The following TACC2 variants were observed in gnomAD, a reference collection of about 807,000 sequenced individuals.
TACC2 encodes the protein transforming acidic coiled-coil-containing protein 2.
TACC2 carries 137 observed loss-of-function variants against 227.3 expected under a neutral mutation model. The observed-to-expected ratio is 0.60, with a 90% CI of 0.52 to 0.69. The LOEUF (loss-of-function observed/expected upper bound fraction) is 0.69, where lower values mean the gene tolerates loss of function less well. TACC2 is among the 30% of genes least tolerant of loss of function. The pLI is 0.00. For missense variants in TACC2, 3,470 were observed against 3,694.4 expected (o/e 0.94, Z 1.57); for synonymous variants, 1,523 against 1,487.5 (o/e 1.02, Z -0.55).
rs1222743735 is a variant in TACC2 at position 122,203,392 on chromosome 10, C to T, written c.5972-7005C>T. 4.0e-5 allele frequency among the ~76,000 whole-genome samples: 6 copies of T among 148,902 alleles called. No homozygotes were observed. In the South Asian group the frequency reaches 6.3e-4, roughly 16 times the overall value. The stretch of plus-strand genomic sequence containing the variant: ...CTGACCCCCCCACCTCCCTCCCGGA[C>T]GGGGCGGCTGGCTGGGCGGGCGGCT... On this transcript the variant is annotated intron_variant, in intron 8 of 22. Coordinates refer to ENST00000369005, the MANE Select transcript of TACC2 (RefSeq NM_206862.4).
At chr10:122,208,784 G>C (rs886209595) in intron 8 of TACC2, among the ~76,000 whole-genome samples, 1 of 152,222 alleles carries the variant, frequency 6.6e-6, no homozygotes, top group Non-Finnish European at 1.5e-5. Context: ...TGGAAACGCT[G>C]TCCCAGGTCT....
intron 6 of TACC2, among the ~76,000 whole-genome samples, chr10:122,143,276 A>G (rs2090901932): frequency 6.6e-6 from 1 of 152,188 alleles, no homozygotes; most frequent in African/African-American, 2.4e-5. Flanking sequence ...CAAACGAGAA[A>G]ACTCACATAG....
chr10:122,112,192 G>A (rs2083733037), intron 5 of TACC2, among the ~76,000 whole-genome samples: 1 of 152,146 alleles, frequency 6.6e-6, no homozygotes, highest in African/African-American at 2.4e-5. Flanking sequence ...TCTATATATA[G>A]TCACGGGCTC....
At chr10:122,170,311 C>G (rs1194888768) in intron 7 of TACC2, among the ~76,000 whole-genome samples, 2 of 148,304 alleles carry the variant, frequency 1.3e-5, no homozygotes, top group East Asian at 4.0e-4. Context: ...ACTCTGCCCC[C>G]CAGGCTGGAG....
chr10:122,077,552 G>A (rs2078955846), intron 3 of TACC2, among the ~76,000 whole-genome samples: 1 of 152,168 alleles, frequency 6.6e-6, no homozygotes, highest in Admixed American at 6.5e-5. Context: ...TGCGGAATGA[G>A]GCAGGAGAGG....
intron 2 of TACC2, among the ~76,000 whole-genome samples, chr10:122,036,482 C>T (rs183464578): frequency 1.4e-3 from 206 of 148,254 alleles, no homozygotes; most frequent in African/African-American, 4.9e-3. Context: ...CATGCGCCAC[C>T]GTGCCTGGCA....
intron 5 of TACC2, among the ~76,000 whole-genome samples, chr10:122,108,527 C>T (rs2083200121): frequency 7.0e-6 from 1 of 143,144 alleles, no homozygotes; most frequent in African/African-American, 2.6e-5. Flanking sequence ...CTCACTGCAA[C>T]CTCTGCCTCC....
chr10:122,055,114 GGAGGCT>G (rs2076091416), intron 3 of TACC2, among the ~76,000 whole-genome samples: 2 of 152,130 alleles, frequency 1.3e-5, no homozygotes, highest in Admixed American at 6.6e-5. Flanking sequence ...CAGCTACTCT[GGAGGCT>G]GAGGCAGGAG....
chr10:122,204,374 G>A (rs533380192), intron 8 of TACC2, among the ~76,000 whole-genome samples: 14 of 152,310 alleles, frequency 9.2e-5, no homozygotes, highest in African/African-American at 2.6e-4. Flanking sequence ...GTCAGTAACC[G>A]GCTGAGCCCT....
chr10:122,073,061 C>T (rs1372809368), intron 3 of TACC2, among the ~76,000 whole-genome samples: 2 of 127,182 alleles, frequency 1.6e-5, no homozygotes, highest in East Asian at 2.6e-4. Context: ...TGCAGTGAGC[C>T]AAGATCACGC....
intron 5 of TACC2, among the ~76,000 whole-genome samples, chr10:122,126,347 T>TGTGTGTGTGTGTGTGTG (rs2086867586): frequency 6.7e-6 from 1 of 150,128 alleles, no homozygotes. Flanking sequence ...TGTGTGTGTG[T>TGTGTGTGTGTGTGTGTG]TTGATGTTCA....
At chr10:122,021,723 C>T (rs558495083) in intron 1 of TACC2, among the ~76,000 whole-genome samples, 4 of 152,214 alleles carry the variant, frequency 2.6e-5, no homozygotes, top group South Asian at 2.1e-4. Context: ...CTGCCAACCC[C>T]GGGGTGGGGA....
chr10:122,190,522 G>A (rs1041689319), intron 7 of TACC2, among the ~76,000 whole-genome samples: 1 of 152,168 alleles, frequency 6.6e-6, no homozygotes, highest in African/African-American at 2.4e-5. Flanking sequence ...CTGGGGTTAC[G>A]TTGTTCCCTC....
At chr10:122,048,083 C>G (rs954408228) in intron 2 of TACC2, among the ~76,000 whole-genome samples, 2 of 152,234 alleles carry the variant, frequency 1.3e-5, no homozygotes, top group African/African-American at 4.8e-5. Flanking sequence ...TCCAACAAGT[C>G]TGACGGTCTC....
At chr10:122,163,685 G>C (rs1224421298) in intron 7 of TACC2, 1 of 1,072,006 alleles carries the variant, frequency 9.3e-7, no homozygotes. Context: ...GCCACACTCG[G>C]GCGCGCGCCG....
At chr10:122,177,428 G>C (rs1592969643) in intron 7 of TACC2, among the ~76,000 whole-genome samples, 1 of 152,126 alleles carries the variant, frequency 6.6e-6, no homozygotes, top group East Asian at 1.9e-4. Flanking sequence ...GGAGTTGCAG[G>C]GATGATGGCA....
intron 11 of TACC2, among the ~76,000 whole-genome samples, chr10:122,224,289 C>A (rs1297824150): frequency 6.6e-6 from 1 of 152,128 alleles, no homozygotes. Flanking sequence ...AGCTGAATAC[C>A]CAGAGAGGGA....
At position 122,084,144 on chromosome 10, in the gene TACC2, G is replaced by C. The variant is rs1224830351; in HGVS notation, c.1644G>C (p.Gly548=). The change falls in exon 4 of 23, where the codon GGG becomes GGC. Residue 548 remains glycine (G), a synonymous_variant. Coordinates refer to ENST00000369005, the MANE Select transcript of TACC2 (RefSeq NM_206862.4). ...APSESARGPP[G]PTDGAKVHED... Reference sequence around the variant, plus strand: ...GTGAAAGTGCCAGAGGGCCACCGGGGCCAACGGATGGAGCCAAGGTCCATG... The same window carrying C: ...GTGAAAGTGCCAGAGGGCCACCGGGCCCAACGGATGGAGCCAAGGTCCATG... 1 of 1,614,094 alleles carries C rather than the reference G, an allele frequency of 6.2e-7. No individual in the cohort carries two copies. The highest frequency in any genetic ancestry group is 8.5e-7 in the Non-Finnish European group (1 of 1,180,030).
chr10:122,249,793 G>C (rs1019586713), intron 22 of TACC2, 129 bp downstream of exon 22: 4 of 1,157,306 alleles, frequency 3.5e-6, no homozygotes, highest in African/African-American at 1.5e-5. Context: ...TGCTTCATGA[G>C]CATACCCTTG....
Sources: gnomAD v4.1 joint callset for allele counts (sites outside exome capture counted in the v4.1 genomes callset) on GRCh38, gnomAD v4.1.1 for gene constraint, MANE v1.5 for transcripts, NCBI Gene and HGNC (gene_info 2026-07-23, HGNC 2026-07-21) for gene names.